The following GMCL1 variants were observed in gnomAD, a reference collection of about 807,000 sequenced individuals.
GMCL1 encodes germ cell-less protein-like 1.
Under a neutral mutation model 75.5 loss-of-function variants are expected in GMCL1, and 54 were observed. The ratio of observed to expected loss-of-function variants is 0.71; its 90% CI spans 0.57 to 0.90. The LOEUF (loss-of-function observed/expected upper bound fraction) is 0.90. Ranked by LOEUF, GMCL1 falls within the 40% of genes least tolerant of loss-of-function variation. The probability of loss-of-function intolerance (pLI) is 0.00; values close to 1 mark genes in which losing one functional copy is unlikely to be tolerated. For synonymous variants in GMCL1, 210 were observed against 209.6 expected, an observed-to-expected ratio of 1.00 and a Z score of -0.02; for missense variants, 537 against 622.7, an observed-to-expected ratio of 0.86 and a Z score of 1.47.
At chr2:69,873,081 A>G (rs1378002192) in intron 13 of GMCL1, among the ~76,000 whole-genome samples, 3 of 152,182 alleles carry the variant, frequency 2.0e-5, no homozygotes. Context: ...CCTGTAACTG[A>G]GCAGCTGCCG....
chr2:69,863,641 T>A (rs1675721540), intron 10 of GMCL1, among the ~76,000 whole-genome samples: 1 of 152,214 alleles, frequency 6.6e-6, no homozygotes, highest in Non-Finnish European at 1.5e-5. Flanking sequence ...TCTGCTTTCA[T>A]ATGTTTGTAG....
chr2:69,880,829 CAG>C lies in GMCL1; in HGVS notation c.*1828_*1829del, dbSNP rs1169632152. 8.1e-6 allele frequency: 1 copy of C among 124,194 alleles called. No homozygotes were observed. Among genetic ancestry groups the C allele is most frequent in the African/African-American group, 3.2e-5 (1 of 31,358 alleles). The allele number at this position is 124,194 out of a possible 1,614,324, so 7.7% of individuals were successfully genotyped here. The stretch of plus-strand genomic sequence containing the variant: ...CGCCATTGCACTCCAACCTAGGCGA[CAG>C]AGTGAGACTCCGTCTCAAAAAAAAA... On this transcript the variant is annotated 3_prime_UTR_variant, in exon 14 of 14. Coordinates refer to ENST00000282570, the MANE Select transcript of GMCL1 (RefSeq NM_178439.5).
intron 4 of GMCL1, chr2:69,842,729 T>C (rs1675019567): frequency 6.6e-6 from 1 of 152,556 alleles, no homozygotes; most frequent in East Asian, 1.9e-4. Context: ...TTGATCACTT[T>C]CTGCTAATGC....
intron 3 of GMCL1, among the ~76,000 whole-genome samples, chr2:69,840,401 C>T (rs1674950505): frequency 6.6e-6 from 1 of 150,822 alleles, no homozygotes; most frequent in South Asian, 2.1e-4. Context: ...CAGAGCGAGA[C>T]TCCATCTCAA....
chr2:69,844,101 TA>T, intron 5 of GMCL1, 29 bp from the exon 6 acceptor site: 1 of 1,096,794 alleles, frequency 9.1e-7, no homozygotes, highest in Non-Finnish European at 1.3e-6. Flanking sequence ...ACATGGCATA[TA>T]ATGTAATAAT....
At chr2:69,849,808 A>T in intron 8 of GMCL1, 66 bp downstream of exon 8, 3 of 885,248 alleles carry the variant, frequency 3.4e-6, no homozygotes, top group Non-Finnish European at 5.2e-6. Context: ...GCCCCATGAG[A>T]ACAGAAAATA....
In GMCL1 at chr2:69,869,117, C is replaced by T. The variant is rs185714039; in HGVS notation, c.1219-602C>T. On this transcript the variant is annotated intron_variant, in intron 11 of 13. Coordinates refer to ENST00000282570, the MANE Select transcript of GMCL1 (RefSeq NM_178439.5). ...AAAATACAAAATTAGCCAGGCTTGGCGCATGCCTGTAATCCCAGCTACTCA... is the reference window on the plus strand; with the variant it reads ...AAAATACAAAATTAGCCAGGCTTGGTGCATGCCTGTAATCCCAGCTACTCA... Among the ~76,000 whole-genome samples, 348 of 148,390 alleles carry T rather than the reference C, an allele frequency of 2.3e-3. 2 individuals are homozygous for T. Among genetic ancestry groups the T allele is most frequent in the Middle Eastern group, 0.02 (6 of 294 alleles).
chr2:69,846,123 T>C (rs1052566431), intron 6 of GMCL1, among the ~76,000 whole-genome samples: 28 of 152,152 alleles, frequency 1.8e-4, no homozygotes, highest in East Asian at 9.6e-4. Context: ...GGGGTTTTTT[T>C]CCTTTCTTTT....
intron 1 of GMCL1, 66 bp downstream of exon 1, chr2:69,830,218 GC>G: frequency 6.7e-7 from 1 of 1,495,302 alleles, no homozygotes; most frequent in Admixed American, 2.2e-5. Flanking sequence ...CCGAGCCGGC[GC>G]CTCGTGCGCT....
intron 3 of GMCL1, among the ~76,000 whole-genome samples, chr2:69,840,375 A>G (rs994941375): frequency 6.6e-6 from 1 of 151,452 alleles, no homozygotes; most frequent in South Asian, 2.1e-4. Flanking sequence ...GCGCCACTGC[A>G]CTCCAGCCTG....
At chr2:69,875,630 A>G (rs1676108996) in intron 13 of GMCL1, among the ~76,000 whole-genome samples, 1 of 152,098 alleles carries the variant, frequency 6.6e-6, no homozygotes, top group African/African-American at 2.4e-5. Flanking sequence ...GTCTGTCTCT[A>G]AAATTTGTAG....
intron 9 of GMCL1, among the ~76,000 whole-genome samples, chr2:69,856,936 C>G (rs141464811): frequency 6.6e-6 from 1 of 152,092 alleles, no homozygotes; most frequent in Non-Finnish European, 1.5e-5. Flanking sequence ...ATATCCCAGC[C>G]TCCTAGTAGT....
rs1338661454 is a variant in GMCL1 at position 69,849,689 on chromosome 2, C to A, written c.881C>A (p.Ser294Tyr). Reference sequence around the variant, plus strand: ...CAACTTGTGCCTTCTTGGAATGGATCTTTAAAACAGCTTTTGACAGAAACA... The same window carrying A: ...CAACTTGTGCCTTCTTGGAATGGATATTTAAAACAGCTTTTGACAGAAACA... Reference protein sequence around the residue: ...FLQLVPSWNGSLKQLLTETDV... With the variant: ...FLQLVPSWNGYLKQLLTETDV... Residue 294 changes from serine (S) to tyrosine (Y), a missense_variant, in exon 8 of 14, where the codon TCT becomes TAT. By Grantham distance (144) the Ser-to-Tyr change is moderately radical (BLOSUM62 -2). This residue lies in a region of GMCL1 where 345 missense variants were observed against 410.5 expected (regional missense o/e 0.84). Coordinates refer to ENST00000282570, the MANE Select transcript of GMCL1 (RefSeq NM_178439.5). 45 of 1,592,086 alleles carry A rather than the reference C, an allele frequency of 2.8e-5. No homozygotes were observed. Among genetic ancestry groups the A allele is most frequent in the Non-Finnish European group, 3.8e-5 (45 of 1,170,476 alleles).
intron 2 of GMCL1, among the ~76,000 whole-genome samples, chr2:69,837,906 T>G (rs1416735257): frequency 2.0e-5 from 3 of 152,196 alleles, no homozygotes; most frequent in Admixed American, 6.5e-5. Context: ...TGTCATTACT[T>G]CATAAAATGC....
At chr2:69,835,826 G>T (rs1674804058) in intron 1 of GMCL1, among the ~76,000 whole-genome samples, 1 of 152,134 alleles carries the variant, frequency 6.6e-6, no homozygotes. Context: ...AAGTTCAGAT[G>T]GTATCCTGAA....
At chr2:69,834,537 C>A (rs143668079) in intron 1 of GMCL1, among the ~76,000 whole-genome samples, 1 of 152,276 alleles carries the variant, frequency 6.6e-6, no homozygotes, top group Non-Finnish European at 1.5e-5. Context: ...TTCTTCATAT[C>A]TTTGATGACG....
In GMCL1 at chr2:69,879,343, G is replaced by C. The variant is rs998754464; in HGVS notation, c.*339G>C. ...TCACATTTATCTGCAACAAAATATAGATTTAATTTTTAGCTTAAACTTTGT... is the reference window on the plus strand; with the variant it reads ...TCACATTTATCTGCAACAAAATATACATTTAATTTTTAGCTTAAACTTTGT... On this transcript the variant is annotated 3_prime_UTR_variant, in exon 14 of 14. Coordinates refer to ENST00000282570, the MANE Select transcript of GMCL1 (RefSeq NM_178439.5). 4 of 161,186 alleles carry C rather than the reference G, an allele frequency of 2.5e-5. No homozygotes were observed. Among genetic ancestry groups the C allele is most frequent in the Non-Finnish European group, 5.4e-5 (4 of 74,006 alleles). The allele number at this position is 161,186 out of a possible 1,614,324, so 10.0% of individuals were successfully genotyped here. A position where few individuals can be genotyped will look rare whatever the true frequency, so the allele number is the denominator to read the frequency against.
chr2:69,854,036 C>T (rs12469540), intron 8 of GMCL1, among the ~76,000 whole-genome samples: 10,369 of 152,092 alleles, frequency 0.068, 938 homozygotes, highest in Admixed American at 0.22. Flanking sequence ...AACTCCTGAC[C>T]TCGTGATCCA....
At chr2:69,862,235 A>G (rs1675675262) in intron 10 of GMCL1, among the ~76,000 whole-genome samples, 1 of 152,096 alleles carries the variant, frequency 6.6e-6, no homozygotes. Flanking sequence ...AGACCTTCAA[A>G]GTTTAATTTT....
Sources: gnomAD v4.1 joint callset for allele counts (sites outside exome capture counted in the v4.1 genomes callset) on GRCh38, gnomAD v4.1.1 for gene constraint, gnomAD v4.1.1 regional missense constraint, MANE v1.5 for transcripts, NCBI Gene and HGNC (gene_info 2026-07-23, HGNC 2026-07-21) for gene names.